The following MICAL3 variants were observed in gnomAD, a reference collection of about 807,000 sequenced individuals.
The protein encoded by MICAL3 is microtubule associated monooxygenase, calponin and LIM domain containing 3, also known as [F-actin]-monooxygenase MICAL3.
A neutral mutation model predicts 207.4 loss-of-function variants in MICAL3; 62 were observed. The ratio of observed to expected loss-of-function variants is 0.30; its 90% CI spans 0.24 to 0.37. MICAL3 has a LOEUF of 0.37. Ranked by LOEUF, MICAL3 falls within the 10% of genes least tolerant of loss-of-function variation. The pLI, the probability that MICAL3 is intolerant of heterozygous loss-of-function variation, is 1.00. For missense variants in MICAL3, 2,368 were observed against 2,635.6 expected (o/e 0.90, Z 2.22); for synonymous variants, 1,077 against 1,069.3 (o/e 1.01, Z -0.14).
chr22:17,892,367 T>C lies in MICAL3; in HGVS notation c.1547-735A>G, dbSNP rs578197579. 1.6e-4 allele frequency among the ~76,000 whole-genome samples: 25 copies of C among 152,328 alleles called. No individual in the cohort carries two copies. The South Asian group carries it at 5.2e-3, about 32-fold the overall frequency. On this transcript the variant is annotated intron_variant, in intron 11 of 31. Coordinates refer to ENST00000441493, the MANE Select transcript of MICAL3 (RefSeq NM_015241.3). The stretch of plus-strand genomic sequence containing the variant: ...TAATCACATCAGAAGAGCTCTGATA[T>C]CGGCCATTCAAAAGAATCTATGAAC...
At chr22:17,832,391 G>A (rs1922896168) in intron 20 of MICAL3, among the ~76,000 whole-genome samples, 1 of 152,224 alleles carries the variant, frequency 6.6e-6, no homozygotes, top group African/African-American at 2.4e-5. Context: ...GACCACCGAA[G>A]GCTGCCTGTG....
chr22:17,857,749 T>C (rs1228228184), intron 19 of MICAL3, among the ~76,000 whole-genome samples: 4 of 152,384 alleles, frequency 2.6e-5, no homozygotes, highest in African/African-American at 9.6e-5. Context: ...CTAGATTCCC[T>C]GTCTGTGGAA....
chr22:17,809,001 T>G, intron 28 of MICAL3, 64 bp from the exon 29 acceptor site: 1 of 1,351,322 alleles, frequency 7.4e-7, no homozygotes, highest in Non-Finnish European at 1.0e-6. Context: ...GACACACAAC[T>G]CCACACCCAC....
chr22:17,908,945 C>A (rs960075079), intron 1 of MICAL3, among the ~76,000 whole-genome samples: 3 of 152,178 alleles, frequency 2.0e-5, no homozygotes, highest in Non-Finnish European at 4.4e-5. Context: ...TGGGTAAGCA[C>A]ACTGAGCAGC....
chr22:17,809,444 G>A (rs181807669), intron 28 of MICAL3, among the ~76,000 whole-genome samples: 45 of 152,264 alleles, frequency 3.0e-4, no homozygotes, highest in Admixed American at 1.0e-3. Flanking sequence ...GACCCTCCTC[G>A]CTAGCATGGT....
intron 1 of MICAL3, among the ~76,000 whole-genome samples, chr22:17,931,428 A>T (rs2146318952): frequency 6.6e-6 from 1 of 152,286 alleles, no homozygotes; most frequent in South Asian, 2.1e-4. Flanking sequence ...ACCACACACC[A>T]CTGCTTGGCA....
intron 16 of MICAL3, among the ~76,000 whole-genome samples, chr22:17,884,891 G>A (rs899070291): frequency 4.6e-5 from 7 of 152,210 alleles, no homozygotes; most frequent in Non-Finnish European, 8.8e-5. Flanking sequence ...CAGACTCCAA[G>A]CAAAGCTGCT....
At chr22:17,812,621 A>G in intron 27 of MICAL3, 2 of 789,114 alleles carry the variant, frequency 2.5e-6, no homozygotes, top group Non-Finnish European at 3.1e-6. Context: ...TTAACAAATT[A>G]AAAATTAAGA....
intron 1 of MICAL3, among the ~76,000 whole-genome samples, chr22:17,956,577 G>A (rs1341569541): frequency 6.6e-6 from 1 of 152,208 alleles, no homozygotes; most frequent in Non-Finnish European, 1.5e-5. Context: ...GCTGAGGCAG[G>A]AGAATTGCTT....
chr22:17,831,912 TTCCTCCTCC>T lies in MICAL3; in HGVS notation c.2988_2996del (p.Glu998_Glu1000del). On this transcript the variant is annotated inframe_deletion, in exon 21 of 32. Coordinates refer to ENST00000441493, the MANE Select transcript of MICAL3 (RefSeq NM_015241.3). Reference sequence around the variant, plus strand: ...CCTCCTCCTCCTCCTCTTCATATTCTTCCTCCTCCTCCTCCTCCTCTTCATTCCCAGGCC... The same window carrying T: ...CCTCCTCCTCCTCCTCTTCATATTCTTCCTCCTCCTCTTCATTCCCAGGCC... 6.4e-7 allele frequency: 1 copy of T among 1,557,826 alleles called. No homozygotes were observed. Among genetic ancestry groups the T allele is most frequent in the Non-Finnish European group, 8.7e-7 (1 of 1,150,314 alleles).
At chr22:17,837,970 C>A (rs745803684) in intron 20 of MICAL3, among the ~76,000 whole-genome samples, 8 of 152,212 alleles carry the variant, frequency 5.3e-5, no homozygotes, top group Non-Finnish European at 1.2e-4. Context: ...GAGCGTACCA[C>A]CACGCTGGCT....
intron 29 of MICAL3, among the ~76,000 whole-genome samples, chr22:17,797,120 C>T (rs549543508): frequency 6.6e-6 from 1 of 152,290 alleles, no homozygotes; most frequent in South Asian, 2.1e-4. Flanking sequence ...CTACCTTAGT[C>T]CTTCTGGTAC....
chr22:17,812,504 T>C (rs1353538616), intron 27 of MICAL3: 3 of 985,790 alleles, frequency 3.0e-6, no homozygotes, highest in Non-Finnish European at 3.6e-6. Flanking sequence ...AACGAGACAC[T>C]ACCTTTGATG....
At chr22:17,989,019 G>C (rs541535060) in intron 1 of MICAL3, among the ~76,000 whole-genome samples, 2 of 151,960 alleles carry the variant, frequency 1.3e-5, no homozygotes, top group African/African-American at 4.8e-5. Context: ...ACTCCTCCCC[G>C]GCTGATCTTG....
At chr22:17,807,913 C>T (rs2062004392) in intron 29 of MICAL3, among the ~76,000 whole-genome samples, 1 of 152,248 alleles carries the variant, frequency 6.6e-6, no homozygotes, top group African/African-American at 2.4e-5. Flanking sequence ...TCTTCATCCC[C>T]AGCTCACAAT....
At chr22:17,936,042 GA>G (rs1299821387) in intron 1 of MICAL3, among the ~76,000 whole-genome samples, 3 of 152,154 alleles carry the variant, frequency 2.0e-5, no homozygotes, top group Non-Finnish European at 4.4e-5. Flanking sequence ...TCTAGAGCTA[GA>G]ATTACCATTT....
chr22:17,861,033 G>A (rs552346225), intron 19 of MICAL3: 82 of 985,260 alleles, frequency 8.3e-5, no homozygotes, highest in African/African-American at 4.2e-4. Flanking sequence ...ACACATCACC[G>A]TCAGCTATGG....
intron 11 of MICAL3, 118 bp from the exon 12 acceptor site, chr22:17,891,750 G>C: frequency 2.4e-6 from 2 of 847,654 alleles, no homozygotes; most frequent in Non-Finnish European, 3.7e-6. Flanking sequence ...GGACGAAACA[G>C]TCAACACTAG....
chr22:17,849,268 CAA>C (rs1924976733), intron 19 of MICAL3, among the ~76,000 whole-genome samples: 2 of 152,336 alleles, frequency 1.3e-5, no homozygotes, highest in African/African-American at 4.8e-5. Context: ...ATAACATGTC[CAA>C]AGACTCACAT....
Sources: allele counts gnomAD v4.1 joint callset (sites outside exome capture counted in the v4.1 genomes callset), GRCh38; gene constraint gnomAD v4.1.1; transcripts MANE v1.5; gene names NCBI Gene and HGNC (gene_info 2026-07-23, HGNC 2026-07-21).